NMD3: variants seen among roughly 807,000 people sequenced by gnomAD.
NMD3 encodes the protein NMD3 ribosome export adaptor, also known as 60S ribosomal export protein NMD3.
Under a neutral mutation model 73.1 loss-of-function variants are expected in NMD3, and 47 were observed. That is an observed-to-expected ratio of 0.64 (90% CI 0.51 to 0.82). NMD3 has a LOEUF of 0.82. NMD3 is among the 40% of genes least tolerant of loss of function. The pLI, the probability that NMD3 is intolerant of heterozygous loss-of-function variation, is 0.00. For synonymous variants in NMD3, 210 were observed against 194.5 expected, an observed-to-expected ratio of 1.08 and a Z score of -0.66; for missense variants, 554 against 612.5, an observed-to-expected ratio of 0.90 and a Z score of 1.01.
chr3:161,247,706 C>T (rs1292960577), intron 13 of NMD3, among the ~76,000 whole-genome samples: 2 of 150,620 alleles, frequency 1.3e-5, no homozygotes, highest in African/African-American at 2.4e-5. Flanking sequence ...GGAGAATTGC[C>T]TGAACCGAGG....
In NMD3 at chr3:161,242,550, A is replaced by G; in HGVS notation, c.914A>G (p.Asn305Ser). 2.5e-6 allele frequency: 4 copies of G among 1,613,612 alleles called. No individual in the cohort carries two copies. Among genetic ancestry groups the G allele is most frequent in the Non-Finnish European group, 1.7e-6 (2 of 1,179,676 alleles). Residue 305 changes from asparagine (N) to serine (S), a missense_variant, in exon 11 of 16, where the codon AAT (asparagine) becomes AGT (serine). Asn to Ser is a conservative substitution (Grantham distance 46). Transcript: ENST00000351193. ...DGSTFWSHPF[N>S]SLCHPKQLEE... ...AGCACTTTCTGGAGTCACCCTTTCA[A>G]TAGTTTATGTCATCCCAAACAGCTA...
rs968750857 is a variant in NMD3, at chr3:161,247,425, C to G, written c.1203+95C>G. 5 of 631,788 alleles carry G rather than the reference C, an allele frequency of 7.9e-6. No homozygotes were observed. The African/African-American group carries it at 9.3e-5, about 12-fold the overall frequency. The allele number at this position is 631,788 out of a possible 1,614,324, so 39.1% of individuals were successfully genotyped here. The stretch of plus-strand genomic sequence containing the variant: ...TAGGAGTTCACACTTTTGAAAATAA[C>G]AAATCAATTTAGAGATTTCTGAAAC... On this transcript the variant is annotated intron_variant, in intron 13 of 15. Transcript: ENST00000351193.
In NMD3 at chr3:161,234,801, C is replaced by T; in HGVS notation, c.432C>T (p.Cys144=). Residue 144 remains cysteine (C), a synonymous_variant, in exon 6 of 16, where the codon TGC becomes TGT. Transcript: ENST00000351193. ...TTCAGTCCCAAATGTGTGGAGATTG[C>T]CATAGAGTAGAAGCTAAGGATTTCT... ...YVVQSQMCGD[C]HRVEAKDFWK... 6.2e-7 allele frequency: 1 copy of T among 1,613,036 alleles called. No homozygotes were observed. Among genetic ancestry groups the T allele is most frequent in the South Asian group, 1.1e-5 (1 of 91,046 alleles).
At chr3:161,227,921 G>A (rs979730871) in intron 4 of NMD3, among the ~76,000 whole-genome samples, 3 of 151,272 alleles carry the variant, frequency 2.0e-5, no homozygotes, top group Non-Finnish European at 2.9e-5. Flanking sequence ...ATTTTTTAAC[G>A]GAAATTTTTA....
At position 161,246,409 on chromosome 3, in the gene NMD3, AT is replaced by A; in HGVS notation, c.1094del (p.Leu365TrpfsTer5). On this transcript the variant is annotated frameshift_variant, in exon 12 of 16. Transcript: ENST00000351193. LOFTEE classifies it high-confidence loss of function. ...NTDKQYFCRT[H>X]LGHLLNPGDL... ...GATAAACAGTATTTTTGTCGTACTC[AT>A]TTGGGACATCTTCTAAATCCCGGAG... 6.6e-7 allele frequency: 1 copy of A among 1,517,582 alleles called. No homozygotes were observed. The highest frequency in any genetic ancestry group is 1.3e-5 in the South Asian group (1 of 77,164). 94.0% of individuals were successfully genotyped at this position (1,517,582 alleles called of 1,614,324 possible).
chr3:161,251,430 G>T lies in NMD3; in HGVS notation c.*520G>T, dbSNP rs1361749786. ...GTTCAGTTTATCACTGGACATTCAG[G>T]AGGCAAGTCAATCTTTTTTATTTCC... is the stretch of plus-strand genomic sequence containing the variant. On this transcript the variant is annotated 3_prime_UTR_variant, in exon 16 of 16. Transcript: ENST00000351193. 2 of 152,050 alleles carry T rather than the reference G, an allele frequency of 1.3e-5. No homozygotes were observed. The highest frequency in any genetic ancestry group is 2.9e-5 in the Non-Finnish European group (2 of 68,004). The allele number at this position is 152,050 out of a possible 1,614,324, so 9.4% of individuals were successfully genotyped here.
At chr3:161,238,213 T>C in intron 8 of NMD3, 22 bp downstream of exon 8, 1 of 1,449,372 alleles carries the variant, frequency 6.9e-7, no homozygotes, top group Non-Finnish European at 9.5e-7. Flanking sequence ...ACCTTGAATG[T>C]GACTAAATCT....
chr3:161,242,737 G>T, intron 11 of NMD3, 84 bp downstream of exon 11: 1 of 1,387,032 alleles, frequency 7.2e-7, no homozygotes, highest in African/African-American at 1.4e-5. Context: ...AAAATTTGTT[G>T]GTGTTTCCAC....
intron 9 of NMD3, among the ~76,000 whole-genome samples, chr3:161,239,321 T>C (rs1043418887): frequency 6.6e-6 from 1 of 152,210 alleles, no homozygotes; most frequent in African/African-American, 2.4e-5. Context: ...TTTCATTTAA[T>C]TGTACTAAGA....
At chr3:161,238,234 G>A (rs576534639) in intron 8 of NMD3, 43 bp downstream of exon 8, 4 of 1,175,928 alleles carry the variant, frequency 3.4e-6, no homozygotes, top group South Asian at 1.3e-5. Context: ...AAGGACTTGG[G>A]AATGGATGCG....
intron 10 of NMD3, among the ~76,000 whole-genome samples, chr3:161,241,635 G>A (rs1736991435): frequency 6.6e-6 from 1 of 151,980 alleles, no homozygotes; most frequent in African/African-American, 2.4e-5. Flanking sequence ...TGGCCAGGCT[G>A]GTCTTGAACT....
At chr3:161,224,347 T>C (rs933432349) in intron 2 of NMD3, among the ~76,000 whole-genome samples, 2 of 152,246 alleles carry the variant, frequency 1.3e-5, no homozygotes, top group Admixed American at 1.3e-4. Flanking sequence ...GAAATTCTGT[T>C]GGACAGTACT....
At chr3:161,224,008 T>C (rs1304075552) in intron 2 of NMD3, among the ~76,000 whole-genome samples, 3 of 152,226 alleles carry the variant, frequency 2.0e-5, no homozygotes, top group Non-Finnish European at 4.4e-5. Context: ...TATTAATAAA[T>C]GTTATCTTTA....
chr3:161,246,107 C>A (rs1413369558), intron 11 of NMD3, among the ~76,000 whole-genome samples: 1 of 152,030 alleles, frequency 6.6e-6, no homozygotes, highest in African/African-American at 2.4e-5. Context: ...TGAATAAAAT[C>A]TTAGAAAAAG....
intron 7 of NMD3, among the ~76,000 whole-genome samples, chr3:161,237,699 G>A (rs887280960): frequency 6.6e-5 from 10 of 151,562 alleles, no homozygotes; most frequent in Non-Finnish European, 1.3e-4. Flanking sequence ...CACCACGTCC[G>A]GCTAATTTTT....
At chr3:161,242,689 T>C (rs1287869563) in intron 11 of NMD3, 36 bp downstream of exon 11, 10 of 1,585,868 alleles carry the variant, frequency 6.3e-6, no homozygotes, top group Admixed American at 5.2e-5. Flanking sequence ...TATTTTTTTT[T>C]CCCCTCAGTT....
intron 13 of NMD3, among the ~76,000 whole-genome samples, chr3:161,247,839 T>C (rs6787447): frequency 0.049 from 7,400 of 151,206 alleles, 471 homozygotes; most frequent in African/African-American, 0.14. Flanking sequence ...CAGGCTTGCG[T>C]GCAGTGTCAT....
rs1368430403 is a variant in NMD3 at position 161,229,128 on chromosome 3, C to T, written c.276+1785C>T. 3.3e-5 allele frequency among the ~76,000 whole-genome samples: 5 copies of T among 152,090 alleles called. No homozygotes were observed. In the East Asian group the frequency reaches 9.6e-4, roughly 29 times the overall value. ...GGGGAAAAGTAGTTGGGGATAGAGT[C>T]CAGAAAAGTCATGGAAGGCCACAGT... On this transcript the variant is annotated intron_variant, in intron 4 of 15. Transcript: ENST00000351193.
intron 10 of NMD3, among the ~76,000 whole-genome samples, chr3:161,242,210 G>A (rs150459551): frequency 2.0e-5 from 3 of 152,160 alleles, no homozygotes; most frequent in East Asian, 3.9e-4. Context: ...GTGCCAGCAC[G>A]TGAAACAGCT....
Sources: allele counts gnomAD v4.1 joint callset (sites outside exome capture counted in the v4.1 genomes callset), GRCh38; gene constraint gnomAD v4.1.1; transcripts MANE v1.5; gene names NCBI Gene and HGNC (gene_info 2026-07-23, HGNC 2026-07-21).